Variants in TIAM1 observed in about 807,000 individuals in gnomAD.
The protein encoded by TIAM1 is rho guanine nucleotide exchange factor TIAM1.
In TIAM1, 65 loss-of-function variants were observed where a neutral mutation model predicts 163.5. The observed-to-expected ratio is 0.40, with a 90% CI of 0.33 to 0.49. TIAM1 has a LOEUF of 0.49. Among genes scored for constraint, TIAM1 ranks in the 20% least tolerant of loss-of-function variants. TIAM1 has a pLI of 0.77. For missense variants in TIAM1, 1,789 were observed against 2,044.7 expected (o/e 0.87, Z 2.41); for synonymous variants, 833 against 810.1 (o/e 1.03, Z -0.48).
chr21:31,425,563 A>G (rs1435752586), intron 2 of TIAM1, among the ~76,000 whole-genome samples: 1 of 149,042 alleles, frequency 6.7e-6, no homozygotes, highest in Non-Finnish European at 1.5e-5. Context: ...AAACTCCTAC[A>G]TGATGCTGGT....
intron 25 of TIAM1, 57 bp from the exon 26 acceptor site, chr21:31,127,209 T>C: frequency 1.9e-6 from 3 of 1,552,102 alleles, no homozygotes; most frequent in Middle Eastern, 1.7e-4. Flanking sequence ...TTTATTTACA[T>C]GTTTGCAAAA....
intron 2 of TIAM1, among the ~76,000 whole-genome samples, chr21:31,369,729 T>TA (rs2076563347): frequency 6.6e-6 from 1 of 152,264 alleles, no homozygotes; most frequent in South Asian, 2.1e-4. Context: ...AAAATACATT[T>TA]AAAAGAAGAA....
At chr21:31,538,490 A>G (rs1016520763) in intron 1 of TIAM1, among the ~76,000 whole-genome samples, 6 of 152,216 alleles carry the variant, frequency 3.9e-5, no homozygotes, top group Non-Finnish European at 8.8e-5. Flanking sequence ...AAGTATTTTT[A>G]AAATAAGTAA....
intron 2 of TIAM1, among the ~76,000 whole-genome samples, chr21:31,437,562 C>CA (rs1223983770): frequency 6.6e-6 from 1 of 150,746 alleles, no homozygotes; most frequent in African/African-American, 2.5e-5. Flanking sequence ...TGTTCCCACC[C>CA]AAATCTCATG....
intron 2 of TIAM1, among the ~76,000 whole-genome samples, chr21:31,440,657 C>T (rs1290392644): frequency 2.0e-5 from 3 of 151,954 alleles, no homozygotes; most frequent in African/African-American, 4.8e-5. Context: ...CCGAGGCAGG[C>T]GGATCATGAG....
At chr21:31,473,429 C>CAAAAAAAAAAAAAAAAAAA (rs56691495) in intron 1 of TIAM1, among the ~76,000 whole-genome samples, 2 of 75,682 alleles carry the variant, frequency 2.6e-5, no homozygotes, top group Admixed American at 1.8e-4. Flanking sequence ...GACTCCATCT[C>CAAAAAAAAAAAAAAAAAAA]AAAAAAAAAA....
chr21:31,538,399 C>T (rs933430517), intron 1 of TIAM1, among the ~76,000 whole-genome samples: 7 of 152,062 alleles, frequency 4.6e-5, no homozygotes, highest in African/African-American at 9.7e-5. Context: ...TTTAAATAGC[C>T]GGGTGTCATG....
chr21:31,423,446 C>T (rs1380820361), intron 2 of TIAM1, among the ~76,000 whole-genome samples: 5 of 152,016 alleles, frequency 3.3e-5, no homozygotes, highest in Non-Finnish European at 7.4e-5. Context: ...AGCCTACCCT[C>T]GCTGTCCCTG....
chr21:31,373,301 C>G (rs187719806), intron 2 of TIAM1, among the ~76,000 whole-genome samples: 1 of 152,210 alleles, frequency 6.6e-6, no homozygotes, highest in African/African-American at 2.4e-5. Flanking sequence ...AAATTCCTTT[C>G]TTTTGCTCTG....
rs35193144 is a variant in TIAM1, at chr21:31,546,958, T to TGG, written c.-422+11967_-422+11968dup. Among the ~76,000 whole-genome samples, 137 of 151,140 alleles carry TGG rather than the reference T, an allele frequency of 9.1e-4. 1 individual carries two copies. Among genetic ancestry groups the TGG allele is most frequent in the Middle Eastern group, 6.8e-3 (2 of 292 alleles). On this transcript the variant is annotated intron_variant, in intron 1 of 28. Coordinates refer to the TIAM1 transcript ENST00000286827. ...GCTGCAGGGCTGTGCCCCAAAATAG[T>TGG]GGGGGGGGGCTGGCTCCTATGTTGT...
intron 16 of TIAM1, 77 bp downstream of exon 16, chr21:31,164,885 C>T: frequency 1.4e-6 from 2 of 1,457,258 alleles, no homozygotes; most frequent in Non-Finnish European, 1.9e-6. Flanking sequence ...TAACCACATA[C>T]AGCTGTGTAG....
At chr21:31,375,900 G>A (rs1050638623) in intron 2 of TIAM1, among the ~76,000 whole-genome samples, 1 of 151,956 alleles carries the variant, frequency 6.6e-6, no homozygotes, top group South Asian at 2.1e-4. Flanking sequence ...GATGGTGGGC[G>A]CCTGTAATCC....
At chr21:31,368,855 C>A (rs553559326) in intron 2 of TIAM1, among the ~76,000 whole-genome samples, 1 of 152,084 alleles carries the variant, frequency 6.6e-6, no homozygotes, top group Non-Finnish European at 1.5e-5. Context: ...TTGAACAAAT[C>A]TATAATAATG....
At chr21:31,143,665 T>C (rs986327251) in intron 20 of TIAM1, among the ~76,000 whole-genome samples, 3 of 151,642 alleles carry the variant, frequency 2.0e-5, no homozygotes, top group East Asian at 3.9e-4. Flanking sequence ...CCATCCCCAG[T>C]GGTTAGGGGT....
chr21:31,181,756 CTTTTTTTT>C (rs781153297), intron 15 of TIAM1, among the ~76,000 whole-genome samples: 10 of 41,334 alleles, frequency 2.4e-4, no homozygotes, highest in Non-Finnish European at 3.2e-4. Flanking sequence ...TCTTCTTCTT[CTTTTTTTT>C]TTTTTTTTTT....
chr21:31,281,820 A>T (rs1464396174), intron 2 of TIAM1, among the ~76,000 whole-genome samples: 1 of 152,040 alleles, frequency 6.6e-6, no homozygotes, highest in African/African-American at 2.4e-5. Flanking sequence ...GGATGGATGG[A>T]TAGAGTGATA....
intron 5 of TIAM1, among the ~76,000 whole-genome samples, chr21:31,246,870 C>T (rs2071529517): frequency 6.6e-6 from 1 of 152,166 alleles, no homozygotes; most frequent in African/African-American, 2.4e-5. Context: ...ATGGGCTCTG[C>T]TTACAAGTCC....
rs114083329 is a variant in TIAM1 at position 31,349,847 on chromosome 21, G to A, written c.-368-10425C>T. On this transcript the variant is annotated intron_variant, in intron 2 of 28. Coordinates refer to the TIAM1 transcript ENST00000286827. ...GAGCAAGTCCCTCTGCCTACCCTTC[G>A]GTAAAGTGGGAACTTAAAATAATAG... is the stretch of plus-strand genomic sequence containing the variant. 7.2e-3 allele frequency among the ~76,000 whole-genome samples: 1,090 copies of A among 152,236 alleles called. 14 individuals are homozygous for A. The highest frequency in any genetic ancestry group is 0.025 in the African/African-American group (1,049 of 41,538).
chr21:31,146,151 C>A (rs1205592685), intron 20 of TIAM1, among the ~76,000 whole-genome samples: 1 of 152,110 alleles, frequency 6.6e-6, no homozygotes, highest in Non-Finnish European at 1.5e-5. Context: ...ATTGACAAAA[C>A]CATTAATTCA....
Sources: allele counts gnomAD v4.1 joint callset (sites outside exome capture counted in the v4.1 genomes callset), GRCh38; gene constraint gnomAD v4.1.1; transcripts MANE v1.5; gene names NCBI Gene and HGNC (gene_info 2026-07-23, HGNC 2026-07-21).